Variants in TMCC3 observed in about 807,000 individuals in gnomAD.
TMCC3 encodes the protein transmembrane and coiled-coil domain protein 3.
In TMCC3, 28 loss-of-function variants were observed where a neutral mutation model predicts 40.2. That is an observed-to-expected ratio of 0.70 (90% CI 0.52 to 0.95). The LOEUF (loss-of-function observed/expected upper bound fraction) is 0.95. Among genes scored for constraint, TMCC3 ranks in the 40% least tolerant of loss-of-function variants. The pLI, the probability that TMCC3 is intolerant of heterozygous loss-of-function variation, is 0.00. For synonymous variants in TMCC3, 255 were observed against 248.5 expected (o/e 1.03, Z -0.25); for missense variants, 554 against 615.2 (o/e 0.90, Z 1.05).
rs138986386 is a variant in TMCC3, at chr12:94,586,510, C to G, written c.79-3972G>C. On this transcript the variant is annotated intron_variant, in intron 1 of 3. Coordinates refer to ENST00000261226, the MANE Select transcript of TMCC3 (RefSeq NM_020698.4). The stretch of plus-strand genomic sequence containing the variant: ...AGTTTCATAAGAACTTGGTTTTGCC[C>G]TCCTGGAGCTCACAGATAAGACGAG... 3.1e-3 allele frequency among the ~76,000 whole-genome samples: 476 copies of G among 152,356 alleles called. 3 individuals carry two copies. The highest frequency in any genetic ancestry group is 0.011 in the African/African-American group (460 of 41,580).
At chr12:94,626,089 T>G (rs1240531217) in intron 1 of TMCC3, among the ~76,000 whole-genome samples, 1 of 152,166 alleles carries the variant, frequency 6.6e-6, no homozygotes, top group African/African-American at 2.4e-5. Flanking sequence ...ACGTCTTACA[T>G]GGAGGCAGGC....
intron 1 of TMCC3, chr12:94,598,434 C>T: frequency 4.9e-6 from 1 of 205,410 alleles, no homozygotes; most frequent in South Asian, 1.7e-4. Context: ...CAAAAACAGA[C>T]TCCTTCAGAC....
intron 1 of TMCC3, among the ~76,000 whole-genome samples, chr12:94,600,198 C>T (rs1247095178): frequency 7.1e-6 from 1 of 140,452 alleles, no homozygotes; most frequent in Admixed American, 7.2e-5. Context: ...TATTGATGTT[C>T]TCTCTCCTTC....
At position 94,570,976 on chromosome 12, in the gene TMCC3, A is replaced by AT; in HGVS notation, c.*458_*459insA. 1 of 178,944 alleles carries AT rather than the reference A, an allele frequency of 5.6e-6. No individual in the cohort carries two copies. The highest frequency in any genetic ancestry group is 1.5e-4 in the East Asian group (1 of 6,866). 11.1% of individuals were successfully genotyped at this position (178,944 alleles called of 1,614,324 possible). On this transcript the variant is annotated 3_prime_UTR_variant, in exon 4 of 4. Transcript: ENST00000261226. ...GTGGATCACACGGGGACCATAGGCC[A>AT]CAGTGTTTAACACTGCCCAAGCCTG...
chr12:94,638,657 A>G (rs1235222164), intron 1 of TMCC3, among the ~76,000 whole-genome samples: 5 of 152,220 alleles, frequency 3.3e-5, no homozygotes, highest in African/African-American at 4.8e-5. Flanking sequence ...AATTAAATCT[A>G]TGCCAACCAG....
chr12:94,579,638 C>T (rs1288626682), intron 2 of TMCC3, among the ~76,000 whole-genome samples: 2 of 152,216 alleles, frequency 1.3e-5, no homozygotes, highest in Admixed American at 1.3e-4. Flanking sequence ...ATTTCAGATG[C>T]TTACATAGGT....
At chr12:94,575,787 TCACTTGGCAACA>T (rs1249082753) in intron 3 of TMCC3, among the ~76,000 whole-genome samples, 4 of 152,168 alleles carry the variant, frequency 2.6e-5, no homozygotes, top group Non-Finnish European at 4.4e-5. Context: ...ATTGTACTGT[TCACTTGGCAACA>T]TTTTTATTTG....
intron 1 of TMCC3, among the ~76,000 whole-genome samples, chr12:94,629,482 C>G (rs139394652): frequency 6.0e-4 from 91 of 152,364 alleles, no homozygotes; most frequent in Admixed American, 1.4e-3. Flanking sequence ...GTGCCCACAT[C>G]TGACTGATCT....
intron 2 of TMCC3, among the ~76,000 whole-genome samples, chr12:94,581,113 T>C (rs1293048138): frequency 6.6e-6 from 1 of 152,188 alleles, no homozygotes; most frequent in African/African-American, 2.4e-5. Flanking sequence ...TTTTGGAATA[T>C]TTGCATATAT....
intron 1 of TMCC3, among the ~76,000 whole-genome samples, chr12:94,597,150 TATATATATGTATATAA>T (rs1420284917): frequency 2.6e-3 from 36 of 14,026 alleles, no homozygotes; most frequent in South Asian, 0.018. Context: ...TATATATATA[TATATATATGTATATAA>T]ATTAGCCAGG....
intron 1 of TMCC3, chr12:94,598,911 C>A: frequency 5.6e-6 from 2 of 359,590 alleles, no homozygotes; most frequent in Non-Finnish European, 7.8e-6. Context: ...GCTGTATCTC[C>A]AAAACACAGG....
At chr12:94,582,965 CTTTTT>C (rs753900771) in intron 1 of TMCC3, among the ~76,000 whole-genome samples, 4 of 59,954 alleles carry the variant, frequency 6.7e-5, no homozygotes, top group South Asian at 6.2e-4. Context: ...GAAGGAGAAT[CTTTTT>C]TTTTTTTTTT....
At chr12:94,609,279 C>T (rs2068801298) in intron 1 of TMCC3, among the ~76,000 whole-genome samples, 1 of 152,102 alleles carries the variant, frequency 6.6e-6, no homozygotes, top group Non-Finnish European at 1.5e-5. Flanking sequence ...TTGACAAGGT[C>T]ACAAACTAGG....
chr12:94,582,982 TTTTTTTTTTTTTA>T lies in TMCC3; in HGVS notation c.79-457_79-445del, dbSNP rs1237084715. On this transcript the variant is annotated intron_variant, in intron 1 of 3. Coordinates refer to ENST00000261226, the MANE Select transcript of TMCC3 (RefSeq NM_020698.4). ...AGGAGAATCTTTTTTTTTTTTTTTT[TTTTTTTTTTTTTA>T]AAAAAGAAAGATGGGGAAAAATAGG... Among the ~76,000 whole-genome samples the T allele has an allele frequency of 8.2e-3, 620 of 75,536 alleles. 8 individuals are homozygous for T. Among genetic ancestry groups the T allele is most frequent in the African/African-American group, 0.031 (573 of 18,562 alleles). 49.6% of individuals were successfully genotyped at this position (75,536 alleles called of 152,430 possible).
intron 1 of TMCC3, among the ~76,000 whole-genome samples, chr12:94,588,217 G>C (rs1004242674): frequency 2.6e-5 from 4 of 152,126 alleles, no homozygotes; most frequent in Non-Finnish European, 5.9e-5. Flanking sequence ...TGTCTCCCAG[G>C]ACACTCTGTA....
At chr12:94,584,814 T>C (rs1380516823) in intron 1 of TMCC3, among the ~76,000 whole-genome samples, 2 of 151,752 alleles carry the variant, frequency 1.3e-5, no homozygotes, top group African/African-American at 4.8e-5. Flanking sequence ...GAAAACAGGA[T>C]ATATGAAAAA....
intron 1 of TMCC3, among the ~76,000 whole-genome samples, chr12:94,597,715 G>A (rs950288889): frequency 3.9e-5 from 6 of 152,080 alleles, no homozygotes; most frequent in African/African-American, 1.4e-4. Context: ...GCTGAGGCAG[G>A]AGAATCGCTT....
Position 94,568,646 on chromosome 12 carries a change from G to A in TMCC3, c.*2789C>T, listed in dbSNP as rs373337252. 6.6e-6 allele frequency: 1 copy of A among 152,186 alleles called. No individual in the cohort carries two copies. Among genetic ancestry groups the A allele is most frequent in the East Asian group, 1.9e-4 (1 of 5,202 alleles). 9.4% of individuals were successfully genotyped at this position (152,186 alleles called of 1,614,324 possible). A position where few individuals can be genotyped will look rare whatever the true frequency, so the allele number is the denominator to read the frequency against. ...CCTTACACATTGAAGAGAACAAACA[G>A]TGGGAGTGTTTATTCCTTAAGAGAG... On this transcript the variant is annotated 3_prime_UTR_variant, in exon 4 of 4. Transcript: ENST00000261226.
intron 1 of TMCC3, among the ~76,000 whole-genome samples, chr12:94,588,172 C>T (rs74879321): frequency 0.05 from 7,545 of 152,250 alleles, 226 homozygotes; most frequent in East Asian, 0.098. Context: ...ACCACCAGTG[C>T]GGCTTGGACA....
Sources: gnomAD v4.1 joint callset for allele counts (sites outside exome capture counted in the v4.1 genomes callset) on GRCh38, gnomAD v4.1.1 for gene constraint, MANE v1.5 for transcripts, NCBI Gene and HGNC (gene_info 2026-07-23, HGNC 2026-07-21) for gene names.